The following MEGF11 variants were observed in gnomAD, a reference collection of about 807,000 sequenced individuals.
The protein encoded by MEGF11 is multiple EGF like domains 11, also known as multiple epidermal growth factor-like domains protein 11.
A neutral mutation model predicts 146.6 loss-of-function variants in MEGF11; 126 were observed. The ratio of observed to expected loss-of-function variants is 0.86; its 90% CI spans 0.74 to 1.00. The LOEUF (loss-of-function observed/expected upper bound fraction) is 1.00, where lower values mean the gene tolerates loss of function less well. MEGF11 is among the 50% of genes least tolerant of loss of function. The probability of loss-of-function intolerance (pLI) is 0.00; values close to 1 mark genes in which losing one functional copy is unlikely to be tolerated. For missense variants in MEGF11, 1,509 were observed against 1,521.2 expected, an observed-to-expected ratio of 0.99 and a Z score of 0.13; for synonymous variants, 532 against 583.4, an observed-to-expected ratio of 0.91 and a Z score of 1.27.
intron 4 of MEGF11, among the ~76,000 whole-genome samples, chr15:66,102,437 T>C (rs1401293954): frequency 3.4e-5 from 5 of 145,998 alleles, no homozygotes; most frequent in East Asian, 2.0e-4. Flanking sequence ...CATTTTCTTT[T>C]TTTTTTTTTT....
chr15:66,071,969 C>T (rs189057528), intron 5 of MEGF11, among the ~76,000 whole-genome samples: 1 of 152,362 alleles, frequency 6.6e-6, no homozygotes, highest in Non-Finnish European at 1.5e-5. Flanking sequence ...ACAGAGCCCA[C>T]AGCTCCTGCC....
chr15:66,249,657 T>C (rs942364283), intron 1 of MEGF11, among the ~76,000 whole-genome samples: 2 of 152,166 alleles, frequency 1.3e-5, no homozygotes, highest in Non-Finnish European at 2.9e-5. Flanking sequence ...TTCCCCATCT[T>C]ATAATCTCAA....
At chr15:66,019,418 T>TA (rs764982373) in intron 5 of MEGF11, among the ~76,000 whole-genome samples, 1 of 152,244 alleles carries the variant, frequency 6.6e-6, no homozygotes, top group Non-Finnish European at 1.5e-5. Context: ...TTTATTCCAA[T>TA]AAAACTTGAT....
At chr15:66,134,710 C>T (rs7166955) in intron 1 of MEGF11, among the ~76,000 whole-genome samples, 12 of 152,240 alleles carry the variant, frequency 7.9e-5, no homozygotes, top group Admixed American at 7.2e-4. Flanking sequence ...AGGGGCCCAG[C>T]GGGGAGAAGG....
chr15:66,050,055 T>TA (rs2084388346), intron 5 of MEGF11, among the ~76,000 whole-genome samples: 1 of 152,222 alleles, frequency 6.6e-6, no homozygotes, highest in Non-Finnish European at 1.5e-5. Flanking sequence ...CATTCCGTGT[T>TA]AAAAATTTTT....
At chr15:65,934,894 A>G (rs548270307) in intron 10 of MEGF11, among the ~76,000 whole-genome samples, 3 of 152,236 alleles carry the variant, frequency 2.0e-5, no homozygotes, top group East Asian at 3.9e-4. Flanking sequence ...GCATCTTTTC[A>G]TCCATATCCT....
chr15:66,123,770 C>T (rs911028896), intron 3 of MEGF11, 129 bp downstream of exon 3: 32 of 714,192 alleles, frequency 4.5e-5, no homozygotes, highest in Middle Eastern at 7.0e-4. Context: ...ATCAGCAGAG[C>T]ATCTTGGGTG....
chr15:65,965,036 G>T lies in MEGF11; in HGVS notation c.984C>A (p.Pro328=). The T allele has an allele frequency of 6.3e-7, 1 of 1,586,774 alleles. No homozygotes were observed. ...CDCHNGGQCS[P]TTGACECEPG... The stretch of plus-strand genomic sequence containing the variant: ...GCTCACACTCGCAGGCACCCGTGGT[G>T]GGTGAACACTGCCCCCCATTGTGGC... The change falls in exon 9 of 26, where the codon CCC becomes CCA. Residue 328 remains proline, a synonymous_variant. Coordinates refer to ENST00000395614, the MANE Select transcript of MEGF11 (RefSeq NM_001385028.1).
chr15:65,968,623 C>T (rs2081197426), intron 8 of MEGF11, among the ~76,000 whole-genome samples: 2 of 151,892 alleles, frequency 1.3e-5, no homozygotes, highest in South Asian at 2.1e-4. Flanking sequence ...GATCAAGCAA[C>T]GATGGCTAAT....
In MEGF11 at chr15:65,942,315, G is replaced by T. The variant is rs192048349; in HGVS notation, c.1288-11372C>A. ...GTCCTACCCATTTGTTGTTAAATAT[G>T]TGTTGACAATGAAGGCAGAAATGGC... On this transcript the variant is annotated intron_variant, in intron 10 of 25. Transcript: ENST00000395614. Among the ~76,000 whole-genome samples the T allele has an allele frequency of 3.3e-4, 50 of 152,318 alleles. 1 individual carries two copies. The East Asian group carries it at 8.9e-3, about 27-fold the overall frequency.
chr15:66,151,686 C>T (rs1184755528), intron 1 of MEGF11, among the ~76,000 whole-genome samples: 1 of 152,210 alleles, frequency 6.6e-6, no homozygotes, highest in Non-Finnish European at 1.5e-5. Flanking sequence ...CTCTGGTTGA[C>T]TCTTGTTTCC....
chr15:66,219,583 G>A (rs1413210376), intron 1 of MEGF11, among the ~76,000 whole-genome samples: 1 of 152,180 alleles, frequency 6.6e-6, no homozygotes, highest in Admixed American at 6.5e-5. Context: ...AGGTTGTGGA[G>A]AAACTGGATC....
chr15:66,194,351 G>A (rs2090955520), intron 1 of MEGF11, among the ~76,000 whole-genome samples: 1 of 152,208 alleles, frequency 6.6e-6, no homozygotes, highest in African/African-American at 2.4e-5. Flanking sequence ...GCTCCTGCCT[G>A]TAATCCCAGC....
intron 1 of MEGF11, among the ~76,000 whole-genome samples, chr15:66,210,867 G>C (rs944033368): frequency 1.3e-5 from 2 of 152,224 alleles, no homozygotes; most frequent in African/African-American, 2.4e-5. Flanking sequence ...AGGGCCACTG[G>C]TTCCAGGAAG....
intron 1 of MEGF11, among the ~76,000 whole-genome samples, chr15:66,237,579 C>A (rs2140226210): frequency 6.6e-6 from 1 of 152,350 alleles, no homozygotes; most frequent in Middle Eastern, 3.4e-3. Flanking sequence ...AGTGGGGCTG[C>A]CTCTCTGGCC....
rs568754266 is a variant in MEGF11, at chr15:66,211,381, G to A, written c.-9+42224C>T. On this transcript the variant is annotated intron_variant, in intron 1 of 25. Transcript: ENST00000395614. ...TACTAAAAATACAAAAAAATTAGCC[G>A]AGCATGGTGGCAGGCACCTGTAGTC... Among the ~76,000 whole-genome samples the A allele has an allele frequency of 9.9e-5, 15 of 152,158 alleles. 1 individual carries two copies. Among genetic ancestry groups the A allele is most frequent in the Non-Finnish European group, 8.8e-5 (6 of 67,986 alleles).
intron 5 of MEGF11, among the ~76,000 whole-genome samples, chr15:66,007,796 C>T (rs1455630511): frequency 6.6e-6 from 1 of 152,200 alleles, no homozygotes; most frequent in East Asian, 1.9e-4. Flanking sequence ...GGCACATTCT[C>T]ATTACCCCTT....
At chr15:66,023,537 G>A (rs2140190504) in intron 5 of MEGF11, among the ~76,000 whole-genome samples, 1 of 152,346 alleles carries the variant, frequency 6.6e-6, no homozygotes, top group East Asian at 1.9e-4. Flanking sequence ...GCTTTATAAG[G>A]CACTTTATGA....
chr15:65,984,550 A>AAAAT (rs1555458727), intron 5 of MEGF11, among the ~76,000 whole-genome samples: 63 of 148,828 alleles, frequency 4.2e-4, no homozygotes, highest in African/African-American at 1.5e-3. Context: ...AAAAAAAAAA[A>AAAAT]GGCTCACAGG....
Sources: gnomAD v4.1 joint callset for allele counts (sites outside exome capture counted in the v4.1 genomes callset) on GRCh38, gnomAD v4.1.1 for gene constraint, MANE v1.5 for transcripts, NCBI Gene and HGNC (gene_info 2026-07-23, HGNC 2026-07-21) for gene names.